The following EVPL variants were observed in gnomAD, a reference collection of about 807,000 sequenced individuals.
EVPL encodes 210 kDa cornified envelope precursor protein.
Under a neutral mutation model 129.7 loss-of-function variants are expected in EVPL, and 94 were observed. The ratio of observed to expected loss-of-function variants is 0.72; its 90% CI spans 0.61 to 0.86. The LOEUF (loss-of-function observed/expected upper bound fraction) is 0.86, where lower values mean the gene tolerates loss of function less well. Ranked by LOEUF, EVPL falls within the 40% of genes least tolerant of loss-of-function variation. EVPL has a pLI of 0.00. For missense variants in EVPL, 2,625 were observed against 2,721.1 expected (o/e 0.96, Z 0.79); for synonymous variants, 1,172 against 1,191.1 (o/e 0.98, Z 0.33).
Position 76,022,636 on chromosome 17 carries a change from G to C in EVPL, c.481-98C>G. The C allele has an allele frequency of 6.8e-7, 1 of 1,471,802 alleles. No individual in the cohort carries two copies. Among genetic ancestry groups the C allele is most frequent in the Non-Finnish European group, 9.0e-7 (1 of 1,106,134 alleles). 91.2% of individuals were successfully genotyped at this position (1,471,802 alleles called of 1,614,324 possible). Reference sequence around the variant, plus strand: ...CCGGAGAAGTGGACTTGGTCATTTGGGCAGAGCGTGGACGAGCCTGGGAGC... The same window carrying C: ...CCGGAGAAGTGGACTTGGTCATTTGCGCAGAGCGTGGACGAGCCTGGGAGC... On this transcript the variant is annotated intron_variant, in intron 4 of 21. Transcript: ENST00000301607. The surrounding 1 kb of genome is among the most constrained non-coding windows in gnomAD (Gnocchi z 5.6).
intron 8 of EVPL, 48 bp from the exon 9 acceptor site, chr17:76,021,611 G>GGGCCCC: frequency 8.3e-7 from 1 of 1,202,160 alleles, no homozygotes; most frequent in Non-Finnish European, 1.1e-6. Flanking sequence ...CCCCACGTCC[G>GGGCCCC]CCCCACCTCC....
Position 76,009,872 on chromosome 17 carries a change from C to CTCCTCCGCCTGCT in EVPL, c.3320_3332dup (p.Val1113GlyfsTer153). ...TGCGAGCCTGTAGCTTGGCCACAGCCTCCTCCGCCTGCTTCCTCCGCGCAG... is the reference window on the plus strand; with the variant it reads ...TGCGAGCCTGTAGCTTGGCCACAGCCTCCTCCGCCTGCTTCCTCCGCCTGCTTCCTCCGCGCAG... On this transcript the variant is annotated frameshift_variant, in exon 22 of 22. Coordinates refer to ENST00000301607, the MANE Select transcript of EVPL (RefSeq NM_001988.4). LOFTEE classifies it low-confidence loss of function (END_TRUNC). This position sits in a 1 kb window ranked among gnomAD's most constrained non-coding sequence, Gnocchi z 5.9. 6.2e-7 allele frequency: 1 copy of CTCCTCCGCCTGCT among 1,614,144 alleles called. No homozygotes were observed. Among genetic ancestry groups the CTCCTCCGCCTGCT allele is most frequent in the African/African-American group, 1.3e-5 (1 of 75,068 alleles).
rs1298150394 is a variant in EVPL at position 76,018,554 on chromosome 17, T to C, written c.1331A>G (p.Asp444Gly). ...GERYKLVDNTDPHAWVVQGPG... is the reference protein window; with the variant it reads ...GERYKLVDNTGPHAWVVQGPG... ...GCCCTGCACGACCCAGGCGTGCGGGTCAGTGTTATCTACCAGCTTATACCG... is the reference window on the plus strand; with the variant it reads ...GCCCTGCACGACCCAGGCGTGCGGGCCAGTGTTATCTACCAGCTTATACCG... The change falls in exon 12 of 22, where the codon GAC becomes GGC. Residue 444 changes from aspartate to glycine, a missense_variant. Around this residue, in one of 4 missense-constraint regions of EVPL, gnomAD observed 1,024 missense variants for 997.5 expected, o/e 1.03. Coordinates refer to ENST00000301607, the MANE Select transcript of EVPL (RefSeq NM_001988.4). The C allele has an allele frequency of 6.2e-7, 1 of 1,611,940 alleles. No homozygotes were observed. The highest frequency in any genetic ancestry group is 8.5e-7 in the Non-Finnish European group (1 of 1,179,636).
rs2066347896 is a variant in EVPL at position 76,008,862 on chromosome 17, TC to T, written c.4342del (p.Glu1448SerfsTer45). 6.2e-7 allele frequency: 1 copy of T among 1,613,886 alleles called. No homozygotes were observed. The highest frequency in any genetic ancestry group is 1.3e-5 in the African/African-American group (1 of 74,882). ...ELRQLTLRIQELEKRPPTVQE... is the reference protein window; with the variant it reads ...ELRQLTLRIQXLEKRPPTVQE... Reference sequence around the variant, plus strand: ...CACCGTGGGAGGCCGCTTCTCGAGCTCCTGGATCCTCAAGGTCAGCTGCCGC... The same window carrying T: ...CACCGTGGGAGGCCGCTTCTCGAGCTCTGGATCCTCAAGGTCAGCTGCCGC... On this transcript the variant is annotated frameshift_variant, in exon 22 of 22. Transcript: ENST00000301607. LOFTEE classifies it low-confidence loss of function (END_TRUNC). The surrounding 1 kb of genome is among the most constrained non-coding windows in gnomAD (Gnocchi z 7.4).
rs1049443702 is a variant in EVPL at position 76,011,559 on chromosome 17, A to AG, written c.2661+16dup. ...TTCCTGGCTATTGTGGGAAAGCTGT[A>AG]GGTGTTGTCTGTGTACCTTCTCCAG... On this transcript the variant is annotated intron_variant, in intron 21 of 21. Transcript: ENST00000301607. The AG allele has an allele frequency of 6.2e-7, 1 of 1,605,092 alleles. No individual in the cohort carries two copies. Among genetic ancestry groups the AG allele is most frequent in the African/African-American group, 1.3e-5 (1 of 74,746 alleles).
intron 13 of EVPL, 91 bp from the exon 14 acceptor site, chr17:76,018,002 G>A: frequency 6.4e-7 from 1 of 1,573,380 alleles, no homozygotes. Flanking sequence ...GGTCCTGTCG[G>A]GGTAGGGTGG....
Position 76,007,646 on chromosome 17 carries a change from G to T in EVPL, c.5559C>A (p.Ile1853=). The stretch of plus-strand genomic sequence containing the variant: ...GGGCCTCCAGTAGCTTCTGCCCAGT[G>T]ATGGGGTCCAGCATGTTCTTGGCCA... ...TAVAKNMLDP[I]TGQKLLEAQA... The change falls in exon 22 of 22, where the codon ATC becomes ATA. Residue 1853 remains isoleucine (I), a synonymous_variant. Coordinates refer to ENST00000301607, the MANE Select transcript of EVPL (RefSeq NM_001988.4). This position sits in a 1 kb window ranked among gnomAD's most constrained non-coding sequence, Gnocchi z 8.8. 3.1e-6 allele frequency: 5 copies of T among 1,613,874 alleles called. No individual in the cohort carries two copies. The highest frequency in any genetic ancestry group is 4.2e-6 in the Non-Finnish European group (5 of 1,180,034).
In EVPL at chr17:76,009,583, G is replaced by C. The variant is rs970400848; in HGVS notation, c.3622C>G (p.Gln1208Glu). 1.9e-5 allele frequency: 31 copies of C among 1,613,920 alleles called. No individual in the cohort carries two copies. The African/African-American group carries it at 3.7e-4, about 19-fold the overall frequency. The change falls in exon 22 of 22, where the codon CAG (glutamine) becomes GAG (glutamate). Residue 1208 changes from glutamine (Q) to glutamate (E), a missense_variant. By Grantham distance (29) the Gln-to-Glu change is conservative. This residue lies in a region of EVPL where 1,453 missense variants were observed against 1,511.8 expected (regional missense o/e 0.96). Transcript: ENST00000301607. This position sits in a 1 kb window ranked among gnomAD's most constrained non-coding sequence, Gnocchi z 5.9. ...EIFQVDPETE[Q>E]EITRLKAKLQ... Reference sequence around the variant, plus strand: ...TTGGCCTTGAGCCGAGTGATCTCCTGCTCTGTCTCCGGATCCACCTGGAAG... The same window carrying C: ...TTGGCCTTGAGCCGAGTGATCTCCTCCTCTGTCTCCGGATCCACCTGGAAG...
In EVPL at chr17:76,018,264, A is replaced by G. The variant is rs1326038406; in HGVS notation, c.1440-6T>C. On this transcript the variant is annotated splice_region_variant and splice_polypyrimidine_tract_variant and intron_variant, in intron 12 of 21. Transcript: ENST00000301607. The stretch of plus-strand genomic sequence containing the variant: ...CCTGCAGCTCTGAGGCCAGCCTAGA[A>G]TGAAGAGGAGATTGAAGAAAGAGGT... 1 of 1,536,026 alleles carries G rather than the reference A, an allele frequency of 6.5e-7. No individual in the cohort carries two copies. Among genetic ancestry groups the G allele is most frequent in the Admixed American group, 2.1e-5 (1 of 48,508 alleles).
chr17:76,015,172 C>T (rs1598237505), intron 16 of EVPL, 55 bp downstream of exon 16: 1 of 1,558,334 alleles, frequency 6.4e-7, no homozygotes, highest in East Asian at 2.3e-5. Context: ...GTCCACCCAC[C>T]CGCCCCTGAA....
In EVPL at chr17:76,024,225, C is replaced by T; in HGVS notation, c.99-105G>A. The T allele has an allele frequency of 9.5e-7, 1 of 1,054,538 alleles. No individual in the cohort carries two copies. Among genetic ancestry groups the T allele is most frequent in the East Asian group, 2.6e-5 (1 of 38,540 alleles). The allele number at this position is 1,054,538 out of a possible 1,614,324, so 65.3% of individuals were successfully genotyped here. Reference sequence around the variant, plus strand: ...CCTCCACCCCATCCTGCCCCCACAGCCTAGCTCACTGCCCTGACTTTGGGG... The same window carrying T: ...CCTCCACCCCATCCTGCCCCCACAGTCTAGCTCACTGCCCTGACTTTGGGG... On this transcript the variant is annotated intron_variant, in intron 1 of 21. Transcript: ENST00000301607. This position sits in a 1 kb window ranked among gnomAD's most constrained non-coding sequence, Gnocchi z 4.5.
intron 11 of EVPL, 49 bp from the exon 12 acceptor site, chr17:76,018,649 C>A (rs1239458917): frequency 6.4e-7 from 1 of 1,552,192 alleles, no homozygotes. Context: ...GGGCAGGGGG[C>A]CAAGGCCAGG....
intron 12 of EVPL, 73 bp downstream of exon 12, chr17:76,018,373 C>T (rs1359839674): frequency 1.3e-6 from 2 of 1,538,416 alleles, no homozygotes; most frequent in Non-Finnish European, 1.8e-6. Flanking sequence ...TCTGTTGGGC[C>T]ATGGGCTTGG....
At chr17:76,018,032 C>T in intron 13 of EVPL, 121 bp from the exon 14 acceptor site, 2 of 1,534,956 alleles carry the variant, frequency 1.3e-6, no homozygotes, top group Non-Finnish European at 1.8e-6. Context: ...GCAGGGCCAC[C>T]CCAGAGATGA....
In EVPL at chr17:76,008,232, G is replaced by T; in HGVS notation, c.4973C>A (p.Thr1658Lys). Residue 1658 changes from threonine to lysine, a missense_variant, in exon 22 of 22, where the codon ACG becomes AAG. Thr to Lys is a moderately conservative substitution (Grantham distance 78). Around this residue, in one of 4 missense-constraint regions of EVPL, gnomAD observed 1,453 missense variants for 1,511.8 expected, o/e 0.96. Coordinates refer to ENST00000301607, the MANE Select transcript of EVPL (RefSeq NM_001988.4). The surrounding 1 kb of genome is among the most constrained non-coding windows in gnomAD (Gnocchi z 7.4). ...EKDQIYEKER[T>K]LRDLHAKVSR... ...CACCTTGGCGTGGAGGTCCCGGAGC[G>T]TCCGCTCCTTCTCGTAGATCTGGTC... is the stretch of plus-strand genomic sequence containing the variant. 1 of 1,613,826 alleles carries T rather than the reference G, an allele frequency of 6.2e-7. No individual in the cohort carries two copies. Among genetic ancestry groups the T allele is most frequent in the Non-Finnish European group, 8.5e-7 (1 of 1,180,004 alleles).
At chr17:76,021,604 C>CA in intron 8 of EVPL, 41 bp from the exon 9 acceptor site, 1 of 1,417,128 alleles carries the variant, frequency 7.1e-7, no homozygotes, top group Non-Finnish European at 9.3e-7. Context: ...ACGCCCCCCC[C>CA]ACGTCCGCCC....
intron 3 of EVPL, 21 bp from the exon 4 acceptor site, chr17:76,023,439 A>G (rs774054700): frequency 1.9e-6 from 3 of 1,613,346 alleles, no homozygotes; most frequent in Non-Finnish European, 1.7e-6. Context: ...GGTGGCCGGC[A>G]GGTCAGGGCT....
intron 18 of EVPL, among the ~76,000 whole-genome samples, chr17:76,012,558 G>C (rs967492819): frequency 5.9e-5 from 9 of 152,016 alleles, no homozygotes; most frequent in African/African-American, 1.2e-4. Context: ...GCCTCCCAAA[G>C]TGCTGGGATT....
Position 76,018,527 on chromosome 17 carries a change from G to T in EVPL, c.1358C>A (p.Pro453His). Residue 453 changes from proline to histidine, a missense_variant, in exon 12 of 22, where the codon CCT becomes CAT. By Grantham distance (77) the Pro-to-His change is moderately conservative. Around this residue, in one of 4 missense-constraint regions of EVPL, gnomAD observed 1,024 missense variants for 997.5 expected, o/e 1.03. Coordinates refer to ENST00000301607, the MANE Select transcript of EVPL (RefSeq NM_001988.4). ...TDPHAWVVQG[P>H]GGETKRAPAA... Reference sequence around the variant, plus strand: ...GGGAGCACGCTTGGTCTCCCCGCCAGGGCCCTGCACGACCCAGGCGTGCGG... The same window carrying T: ...GGGAGCACGCTTGGTCTCCCCGCCATGGCCCTGCACGACCCAGGCGTGCGG... 1 of 1,612,856 alleles carries T rather than the reference G, an allele frequency of 6.2e-7. No individual in the cohort carries two copies. Among genetic ancestry groups the T allele is most frequent in the Non-Finnish European group, 8.5e-7 (1 of 1,179,916 alleles).
Sources: allele counts gnomAD v4.1 joint callset (sites outside exome capture counted in the v4.1 genomes callset), GRCh38; gene constraint gnomAD v4.1.1; regional missense constraint gnomAD v4.1.1; non-coding constraint Gnocchi (gnomAD v3.1); transcripts MANE v1.5; gene names NCBI Gene and HGNC (gene_info 2026-07-23, HGNC 2026-07-21).